Variants in SLCO5A1 observed in about 807,000 individuals in gnomAD.
The protein encoded by SLCO5A1 is organic anion transporter polypeptide-related protein 4.
Under a neutral mutation model 65.1 loss-of-function variants are expected in SLCO5A1, and 39 were observed. The observed-to-expected ratio is 0.60, with a 90% confidence interval of 0.46 to 0.78. The LOEUF is 0.78. SLCO5A1 is among the 30% of genes least tolerant of loss of function. The pLI, the probability that SLCO5A1 is intolerant of heterozygous loss-of-function variation, is 0.00. For missense variants in SLCO5A1, 1,029 were observed against 1,069.4 expected, an observed-to-expected ratio of 0.96 and a Z score of 0.53; for synonymous variants, 438 against 415.7, an observed-to-expected ratio of 1.05 and a Z score of -0.65.
rs1394692831 is a variant in SLCO5A1 at position 69,667,059 on chromosome 8, C to T, written c.*5810G>A. On this transcript the variant is annotated 3_prime_UTR_variant, in exon 10 of 10. Transcript: ENST00000260126. ...GAAACAATTTCATTTCAGTCCAACA[C>T]ACTTTATTCATTTTTAACTTTTTTC... is the stretch of plus-strand genomic sequence containing the variant. 1.3e-5 allele frequency: 2 copies of T among 152,198 alleles called. No homozygotes were observed. Among genetic ancestry groups the T allele is most frequent in the Admixed American group, 6.5e-5 (1 of 15,276 alleles). 9.4% of individuals were successfully genotyped at this position (152,198 alleles called of 1,614,324 possible).
chr8:69,688,352 A>G (rs1264259281), intron 6 of SLCO5A1, among the ~76,000 whole-genome samples: 2 of 152,002 alleles, frequency 1.3e-5, no homozygotes, highest in Non-Finnish European at 2.9e-5. Flanking sequence ...TATTATTATT[A>G]TACTTTAAGT....
chr8:69,797,227 C>T (rs535450939), intron 2 of SLCO5A1, among the ~76,000 whole-genome samples: 125 of 152,290 alleles, frequency 8.2e-4, no homozygotes, highest in African/African-American at 2.8e-3. Flanking sequence ...ATTTCATGGA[C>T]ACTTATCACT....
chr8:69,707,857 C>T (rs138665841), intron 5 of SLCO5A1, among the ~76,000 whole-genome samples: 352 of 152,192 alleles, frequency 2.3e-3, no homozygotes, highest in African/African-American at 7.9e-3. Flanking sequence ...AATGTGTGTG[C>T]GGAGCAGCTC....
chr8:69,758,586 G>A (rs563991612), intron 3 of SLCO5A1, among the ~76,000 whole-genome samples: 1 of 152,226 alleles, frequency 6.6e-6, no homozygotes, highest in East Asian at 1.9e-4. Flanking sequence ...AGCCCAAAGT[G>A]AAGGTGCATA....
At chr8:69,760,026 C>G (rs1284696768) in intron 3 of SLCO5A1, among the ~76,000 whole-genome samples, 2 of 152,180 alleles carry the variant, frequency 1.3e-5, no homozygotes, top group African/African-American at 4.8e-5. Flanking sequence ...ACTGGTAAGA[C>G]TAAAGCTCCT....
intron 4 of SLCO5A1, among the ~76,000 whole-genome samples, chr8:69,748,564 G>C (rs1391926384): frequency 6.6e-6 from 1 of 152,190 alleles, no homozygotes; most frequent in Non-Finnish European, 1.5e-5. Context: ...CAAACCGGGA[G>C]AAAGAATTAA....
intron 5 of SLCO5A1, among the ~76,000 whole-genome samples, chr8:69,729,447 A>AAC: frequency 1.5e-4 from 1 of 6,590 alleles, no homozygotes; most frequent in Non-Finnish European, 8.5e-4. Flanking sequence ...CCGTCCCAAC[A>AAC]AAAAAAAAAA....
intron 2 of SLCO5A1, among the ~76,000 whole-genome samples, chr8:69,827,063 C>T (rs7828915): frequency 0.02 from 2,943 of 148,088 alleles, 87 homozygotes; most frequent in African/African-American, 0.069. Flanking sequence ...AACCAAACAC[C>T]GCATATTCTC....
At chr8:69,828,414 A>G (rs1013276264) in intron 2 of SLCO5A1, among the ~76,000 whole-genome samples, 1 of 152,118 alleles carries the variant, frequency 6.6e-6, no homozygotes, top group Non-Finnish European at 1.5e-5. Context: ...CATCCTGGCT[A>G]ACATGGTGAA....
Position 69,670,130 on chromosome 8 carries a change from T to G in SLCO5A1, c.*2739A>C, listed in dbSNP as rs1305721370. 6.6e-6 allele frequency: 1 copy of G among 152,200 alleles called. No individual in the cohort carries two copies. Among genetic ancestry groups the G allele is most frequent in the Admixed American group, 6.5e-5 (1 of 15,288 alleles). The allele number at this position is 152,200 out of a possible 1,614,324, so 9.4% of individuals were successfully genotyped here. A position where few individuals can be genotyped will look rare whatever the true frequency, so the allele number is the denominator to read the frequency against. On this transcript the variant is annotated 3_prime_UTR_variant, in exon 10 of 10. Transcript: ENST00000260126. ...ATTAATAGGATGAACTCAAGGATAT[T>G]GTATTTGCATATTAAAGCTAAATAA...
intron 5 of SLCO5A1, among the ~76,000 whole-genome samples, chr8:69,729,332 T>A (rs923809908): frequency 1.3e-5 from 2 of 150,762 alleles, no homozygotes; most frequent in African/African-American, 4.9e-5. Flanking sequence ...TAGTCCCAGC[T>A]ACTTGGGAGG....
intron 2 of SLCO5A1, among the ~76,000 whole-genome samples, chr8:69,763,702 T>C (rs549446311): frequency 6.6e-6 from 1 of 151,336 alleles, no homozygotes; most frequent in South Asian, 2.1e-4. Context: ...TAATTTTTTA[T>C]TTTTCAATTT....
intron 5 of SLCO5A1, among the ~76,000 whole-genome samples, chr8:69,707,425 C>T (rs1270424837): frequency 6.6e-6 from 1 of 151,990 alleles, no homozygotes; most frequent in African/African-American, 2.4e-5. Context: ...AATACATGCA[C>T]AGAGGCATGA....
intron 2 of SLCO5A1, among the ~76,000 whole-genome samples, chr8:69,798,447 G>T (rs1819593250): frequency 6.6e-6 from 1 of 152,176 alleles, no homozygotes; most frequent in Non-Finnish European, 1.5e-5. Flanking sequence ...TACAATTACA[G>T]TGAAAGGCAA....
At chr8:69,692,591 A>C (rs1310743990) in intron 6 of SLCO5A1, among the ~76,000 whole-genome samples, 1 of 152,232 alleles carries the variant, frequency 6.6e-6, no homozygotes, top group African/African-American at 2.4e-5. Flanking sequence ...ACTGTGGTGC[A>C]AAAGTATTTT....
At chr8:69,818,352 A>G (rs1372029715) in intron 2 of SLCO5A1, among the ~76,000 whole-genome samples, 1 of 152,198 alleles carries the variant, frequency 6.6e-6, no homozygotes, top group Admixed American at 6.5e-5. Flanking sequence ...TGGCCCTTGG[A>G]TTAGCAGCAA....
intron 2 of SLCO5A1, among the ~76,000 whole-genome samples, chr8:69,813,877 TG>T (rs1820307982): frequency 6.6e-6 from 1 of 152,180 alleles, no homozygotes; most frequent in African/African-American, 2.4e-5. Flanking sequence ...CTCCCCTCTT[TG>T]TAACGCCAGT....
At chr8:69,681,772 A>G (rs907108693) in intron 7 of SLCO5A1, among the ~76,000 whole-genome samples, 5 of 152,064 alleles carry the variant, frequency 3.3e-5, no homozygotes, top group African/African-American at 1.2e-4. Context: ...AATGGCCATC[A>G]CCCATCTTCA....
At chr8:69,793,738 G>A (rs1174398273) in intron 2 of SLCO5A1, among the ~76,000 whole-genome samples, 1 of 151,426 alleles carries the variant, frequency 6.6e-6, no homozygotes, top group Non-Finnish European at 1.5e-5. Context: ...AGATTGCCCT[G>A]CTGCACTCCA....
Sources: gnomAD v4.1 joint callset for allele counts (sites outside exome capture counted in the v4.1 genomes callset) on GRCh38, gnomAD v4.1.1 for gene constraint, MANE v1.5 for transcripts, NCBI Gene and HGNC (gene_info 2026-07-23, HGNC 2026-07-21) for gene names.